The following HTT variants were observed in gnomAD, a reference collection of about 807,000 sequenced individuals.
HTT encodes huntington disease protein.
HTT carries 104 observed loss-of-function variants against 362.3 expected under a neutral mutation model. The ratio of observed to expected loss-of-function variants is 0.29; its 90% CI spans 0.24 to 0.34. The LOEUF is 0.34. HTT is among the 10% of genes least tolerant of loss of function. The pLI is 1.00. For synonymous variants in HTT, 1,577 were observed against 1,548.7 expected, an observed-to-expected ratio of 1.02 and a Z score of -0.43; for missense variants, 3,301 against 3,928.6, an observed-to-expected ratio of 0.84 and a Z score of 4.27.
chr4:3,130,344 G>A lies in HTT; in HGVS notation c.1907G>A (p.Cys636Tyr). Residue 636 changes from cysteine to tyrosine, a missense_variant, in exon 14 of 67, where the codon TGC (cysteine) becomes TAC (tyrosine). Cys to Tyr is a radical substitution (Grantham distance 194, BLOSUM62 -2). Transcript: ENST00000355072. ...CATTTATTGAAAAACATGAGTCACT[G>A]CAGGCAGCCTTCTGACAGCAGTGTT... Reference protein sequence around the residue: ...QAHLLKNMSHCRQPSDSSVDK... With the variant: ...QAHLLKNMSHYRQPSDSSVDK... 6.2e-7 allele frequency: 1 copy of A among 1,606,934 alleles called. No homozygotes were observed. The highest frequency in any genetic ancestry group is 8.5e-7 in the Non-Finnish European group (1 of 1,175,540).
chr4:3,214,218 C>A, intron 50 of HTT, 83 bp downstream of exon 50: 1 of 1,117,606 alleles, frequency 8.9e-7, no homozygotes, highest in Non-Finnish European at 1.2e-6. Context: ...TGCCTGTTTG[C>A]CAGGTACTAA....
At position 3,235,785 on chromosome 4, in the gene HTT, A is replaced by C; in HGVS notation, c.8785+7A>C. The C allele has an allele frequency of 6.3e-7, 1 of 1,599,752 alleles. No individual in the cohort carries two copies. On this transcript the variant is annotated splice_region_variant and intron_variant, in intron 63 of 66. Coordinates refer to ENST00000355072, the MANE Select transcript of HTT (RefSeq NM_001388492.1). ...CTCACCTGCATGTACACAGGTGAGC[A>C]TGTACACGGTGCCCATAAGGCCAGC...
chr4:3,126,324 G>T (rs1378212161), intron 11 of HTT, among the ~76,000 whole-genome samples: 3 of 152,184 alleles, frequency 2.0e-5, no homozygotes, highest in Non-Finnish European at 2.9e-5. Flanking sequence ...ACAGTGCCGG[G>T]ATTACAGGAG....
chr4:3,082,543 G>A (rs150514234), intron 1 of HTT, among the ~76,000 whole-genome samples: 2 of 152,310 alleles, frequency 1.3e-5, no homozygotes, highest in East Asian at 1.9e-4. Flanking sequence ...AGGGACAGTC[G>A]TTTGGTATCA....
At chr4:3,147,069 C>G in intron 25 of HTT, 121 bp downstream of exon 25, 1 of 973,852 alleles carries the variant, frequency 1.0e-6, no homozygotes, top group Non-Finnish European at 1.6e-6. Context: ...GATGGCTTGT[C>G]CCTTTAGTCA....
chr4:3,208,955 T>C (rs760378120), intron 46 of HTT, 44 bp downstream of exon 46: 1 of 1,574,010 alleles, frequency 6.4e-7, no homozygotes, highest in Non-Finnish European at 8.6e-7. Flanking sequence ...GGGCGCTGAG[T>C]GCCTCTGTCA....
chr4:3,128,054 T>C (rs946167606), intron 12 of HTT, among the ~76,000 whole-genome samples: 1 of 152,048 alleles, frequency 6.6e-6, no homozygotes, highest in African/African-American at 2.4e-5. Flanking sequence ...CGCCTCAGCC[T>C]CCTGAGTAGG....
rs1401218549 is a variant in HTT, at chr4:3,228,831, G to C, written c.7980-49G>C. 1 of 1,584,630 alleles carries C rather than the reference G, an allele frequency of 6.3e-7. No individual in the cohort carries two copies. The highest frequency in any genetic ancestry group is 1.7e-5 in the Admixed American group (1 of 58,168). ...TTGTTTGAGGTGCTTCTTGAAATGAGCCTCTCATCTCATGTACTTGGAAAA... is the reference window on the plus strand; with the variant it reads ...TTGTTTGAGGTGCTTCTTGAAATGACCCTCTCATCTCATGTACTTGGAAAA... On this transcript the variant is annotated intron_variant, in intron 58 of 66. Coordinates refer to ENST00000355072, the MANE Select transcript of HTT (RefSeq NM_001388492.1). The surrounding 1 kb of genome is among the most constrained non-coding windows in gnomAD (Gnocchi z 4.3).
At chr4:3,235,445 C>T (rs1316276082) in intron 62 of HTT, 47 bp downstream of exon 62, 1 of 1,507,040 alleles carries the variant, frequency 6.6e-7, no homozygotes, top group East Asian at 2.3e-5. Flanking sequence ...GAGTGGGCTT[C>T]CCTTCTCTTT....
At chr4:3,104,379 G>A (rs1714319297) in intron 4 of HTT, among the ~76,000 whole-genome samples, 1 of 152,004 alleles carries the variant, frequency 6.6e-6, no homozygotes, top group Admixed American at 6.5e-5. Context: ...GGAGGCTGAG[G>A]CAGGTGATCA....
chr4:3,087,881 A>ACTCTTGTTGC, intron 2 of HTT, among the ~76,000 whole-genome samples: 1 of 151,782 alleles, frequency 6.6e-6, no homozygotes, highest in East Asian at 1.9e-4. Flanking sequence ...ACGGAGTTTC[A>ACTCTTGTTGC]CTCTTGTTGC....
intron 23 of HTT, among the ~76,000 whole-genome samples, chr4:3,144,558 C>T (rs1305943580): frequency 2.0e-5 from 3 of 152,124 alleles, no homozygotes; most frequent in South Asian, 2.1e-4. Flanking sequence ...CCTCGTGATC[C>T]ACCCACCTCG....
chr4:3,229,863 C>T (rs1214337470), intron 59 of HTT, 24 bp from the exon 60 acceptor site: 3 of 1,612,894 alleles, frequency 1.9e-6, no homozygotes, highest in East Asian at 4.5e-5. Context: ...CTCCCCTTGC[C>T]CTCCTGGTTT....
chr4:3,180,464 A>G, intron 35 of HTT, 51 bp from the exon 36 acceptor site: 1 of 1,508,370 alleles, frequency 6.6e-7, no homozygotes, highest in Non-Finnish European at 8.9e-7. Flanking sequence ...GCAGTTTTCC[A>G]AATGTAATTT....
chr4:3,139,717 A>G (rs919080887), intron 21 of HTT, among the ~76,000 whole-genome samples: 2 of 152,186 alleles, frequency 1.3e-5, no homozygotes, highest in African/African-American at 4.8e-5. Context: ...TAGATTTGTT[A>G]GGAATCGCAG....
At position 3,119,578 on chromosome 4, in the gene HTT, G is replaced by A. The variant is rs150007670; in HGVS notation, c.1069-1650G>A. On this transcript the variant is annotated intron_variant, in intron 8 of 66. Coordinates refer to ENST00000355072, the MANE Select transcript of HTT (RefSeq NM_001388492.1). Reference sequence around the variant, plus strand: ...TGCAGTGAATAACATTTATGAACACGTGATGTGTAAGATACATACTGTTTA... The same window carrying A: ...TGCAGTGAATAACATTTATGAACACATGATGTGTAAGATACATACTGTTTA... Among the ~76,000 whole-genome samples, 244 of 152,282 alleles carry A rather than the reference G, an allele frequency of 1.6e-3. 2 individuals are homozygous for A. Among genetic ancestry groups the A allele is most frequent in the Admixed American group, 2.9e-3 (45 of 15,296 alleles).
At chr4:3,177,180 G>A in intron 33 of HTT, 152 bp from the exon 34 acceptor site, 1 of 653,680 alleles carries the variant, frequency 1.5e-6, no homozygotes, top group South Asian at 1.8e-5. Context: ...AATTATCTAG[G>A]CTGATTTCAG....
chr4:3,178,042 G>T (rs1718315033), intron 34 of HTT, among the ~76,000 whole-genome samples: 1 of 152,202 alleles, frequency 6.6e-6, no homozygotes, highest in Non-Finnish European at 1.5e-5. Context: ...GAGCTAGGAA[G>T]ATCGTAGCTG....
chr4:3,085,861 TTTGGATGGGAAGGAGGCATCTTTA>T (rs1422333148), intron 1 of HTT, among the ~76,000 whole-genome samples: 6 of 152,184 alleles, frequency 3.9e-5, no homozygotes, highest in Non-Finnish European at 8.8e-5. Flanking sequence ...AAGCCATAGG[TTTGGATGGGAAGGAGGCATCTTTA>T]GCCTGATCAT....
Sources: allele counts gnomAD v4.1 joint callset (sites outside exome capture counted in the v4.1 genomes callset), GRCh38; gene constraint gnomAD v4.1.1; non-coding constraint Gnocchi (gnomAD v3.1); transcripts MANE v1.5; gene names NCBI Gene and HGNC (gene_info 2026-07-23, HGNC 2026-07-21).